The following SELENOS variants were observed in gnomAD, a reference collection of about 807,000 sequenced individuals.
SELENOS encodes the protein VCP interacting membrane selenoprotein.
SELENOS carries 37 observed loss-of-function variants against 30.2 expected under a neutral mutation model. The ratio of observed to expected loss-of-function variants is 1.23; its 90% CI spans 0.94 to 1.61. SELENOS has a LOEUF of 1.61. Among genes scored for constraint, SELENOS ranks in the 40% most tolerant of loss-of-function variants. The pLI is 0.00. For missense variants in SELENOS, 289 were observed against 231.8 expected, an observed-to-expected ratio of 1.25 and a Z score of -1.60; for synonymous variants, 119 against 91.6, an observed-to-expected ratio of 1.30 and a Z score of -1.71.
chr15:101,277,132 G>T, intron 1 of SELENOS: 1 of 856,154 alleles, frequency 1.2e-6, no homozygotes, highest in Non-Finnish European at 1.9e-6. Context: ...CGCAAACAAG[G>T]GACAGCCGAG....
chr15:101,275,128 T>A, intron 3 of SELENOS, 127 bp downstream of exon 3: 1 of 738,118 alleles, frequency 1.4e-6, no homozygotes, highest in Non-Finnish European at 2.2e-6. Context: ...GGAACTGAAA[T>A]GCTTATTGAA....
Position 101,276,556 on chromosome 15 carries a change from C to T in SELENOS, c.196G>A (p.Ala66Thr). 8 of 1,607,934 alleles carry T rather than the reference C, an allele frequency of 5.0e-6. No individual in the cohort carries two copies. Among genetic ancestry groups the T allele is most frequent in the Non-Finnish European group, 6.8e-6 (8 of 1,178,154 alleles). ...AGGCACTAACCCACAGCAGCCGCAG[C>T]TCGGTCCAGCTGCCTCTGCCTCAAG... is the stretch of plus-strand genomic sequence containing the variant. ...RALRQRQLDR[A>T]AAAVEPDVVV... Residue 66 changes from alanine to threonine, a missense_variant, in exon 2 of 6, where the codon GCT (alanine) becomes ACT (threonine). Transcript: ENST00000526049.
In SELENOS at chr15:101,277,467, G is replaced by A. The variant is rs1018518980; in HGVS notation, c.-50C>T. On this transcript the variant is annotated 5_prime_UTR_variant, in exon 1 of 6. Coordinates refer to ENST00000526049, the MANE Select transcript of SELENOS (RefSeq NM_018445.6). ...GCCCTGCCGCCGCGCCTCCAGCCGG[G>A]CGCTTCCGGTGCGCTCCTACGCACA... is the stretch of plus-strand genomic sequence containing the variant. 7.1e-7 allele frequency: 1 copy of A among 1,400,342 alleles called. No individual in the cohort carries two copies. Among genetic ancestry groups the A allele is most frequent in the South Asian group, 1.6e-5 (1 of 64,014 alleles). The allele number at this position is 1,400,342 out of a possible 1,614,324, so 86.7% of individuals were successfully genotyped here. A position where few individuals can be genotyped will look rare whatever the true frequency, so the allele number is the denominator to read the frequency against.
chr15:101,272,659 A>G lies in SELENOS; in HGVS notation c.*112T>C. On this transcript the variant is annotated 3_prime_UTR_variant, in exon 6 of 6. Transcript: ENST00000526049. ...CATATGCAGGTGTAGTTAGGAACAG[A>G]AATCAACCCCACCTCCCCTTGGCTA... 8.7e-7 allele frequency: 1 copy of G among 1,149,760 alleles called. No homozygotes were observed. The highest frequency in any genetic ancestry group is 1.3e-6 in the Non-Finnish European group (1 of 791,648). The allele number at this position is 1,149,760 out of a possible 1,614,324, so 71.2% of individuals were successfully genotyped here.
rs1464660405 is a variant in SELENOS at position 101,276,648 on chromosome 15, C to CAGCCA, written c.99_103dup (p.Trp35LeufsTer23). 1.2e-6 allele frequency: 2 copies of CAGCCA among 1,610,530 alleles called. No homozygotes were observed. The highest frequency in any genetic ancestry group is 2.7e-5 in the African/African-American group (2 of 74,614). On this transcript the variant is annotated frameshift_variant, in exon 2 of 6. Coordinates refer to ENST00000526049, the MANE Select transcript of SELENOS (RefSeq NM_018445.6). LOFTEE classifies it high-confidence loss of function. ...AAGGATGCAGCTGAAGACGATGTAC[C>CAGCCA]AGCCATAGGTGGCCAGCAGGGAGCC...
intron 1 of SELENOS, 140 bp downstream of exon 1, chr15:101,277,202 A>G (rs1432955559): frequency 7.2e-7 from 1 of 1,391,008 alleles, no homozygotes; most frequent in Admixed American, 2.0e-5. Flanking sequence ...CTGCTGCCCA[A>G]GGTCCGCGTA....
chr15:101,276,659 G>C lies in SELENOS; in HGVS notation c.93C>G (p.Ala31=). 1 of 1,605,690 alleles carries C rather than the reference G, an allele frequency of 6.2e-7. No individual in the cohort carries two copies. The highest frequency in any genetic ancestry group is 1.1e-5 in the South Asian group (1 of 89,478). ...TGAAGACGATGTACCAGCCATAGGT[G>C]GCCAGCAGGGAGCCCACTGAAAAGA... The part of the protein sequence containing the change: ...FLHTTVGSLL[A]TYGWYIVFSC... The change falls in exon 2 of 6, where the codon GCC becomes GCG. Residue 31 remains alanine (A), a synonymous_variant. Coordinates refer to ENST00000526049, the MANE Select transcript of SELENOS (RefSeq NM_018445.6).
At chr15:101,274,705 G>C (rs1192510752) in intron 3 of SELENOS, 24 bp from the exon 4 acceptor site, 2 of 1,596,276 alleles carry the variant, frequency 1.3e-6, no homozygotes, top group East Asian at 2.2e-5. Context: ...ACATTTTACA[G>C]AAAGAATTCA....
intron 3 of SELENOS, 40 bp from the exon 4 acceptor site, chr15:101,274,721 T>G: frequency 6.4e-7 from 1 of 1,569,580 alleles, no homozygotes; most frequent in East Asian, 2.2e-5. Flanking sequence ...ATTCAGAAGC[T>G]GCCATTTCTC....
At chr15:101,274,376 T>TG in intron 5 of SELENOS, 44 bp downstream of exon 5, 1 of 1,559,268 alleles carries the variant, frequency 6.4e-7, no homozygotes, top group South Asian at 1.2e-5. Context: ...CTATATCCTG[T>TG]AAGTGTTGAA....
In SELENOS at chr15:101,276,388, A is replaced by G. The variant is rs967549349; in HGVS notation, c.211+153T>C. ...CTCAGCCTCCTGAGCAGCTGGGACTACAGGTGCGTGCCGCCACTCCCGGCT... is the reference window on the plus strand; with the variant it reads ...CTCAGCCTCCTGAGCAGCTGGGACTGCAGGTGCGTGCCGCCACTCCCGGCT... On this transcript the variant is annotated intron_variant, in intron 2 of 5. Coordinates refer to ENST00000526049, the MANE Select transcript of SELENOS (RefSeq NM_018445.6). The G allele has an allele frequency of 5.8e-6, 6 of 1,038,398 alleles. No homozygotes were observed. In the African/African-American group the frequency reaches 6.6e-5, roughly 11 times the overall value. The allele number at this position is 1,038,398 out of a possible 1,614,324, so 64.3% of individuals were successfully genotyped here.
In SELENOS at chr15:101,276,596, G is replaced by GT; in HGVS notation, c.155_156insA (p.Ala53ArgfsTer21). The GT allele has an allele frequency of 6.2e-7, 1 of 1,613,826 alleles. No homozygotes were observed. Among genetic ancestry groups the GT allele is most frequent in the African/African-American group, 1.3e-5 (1 of 75,006 alleles). ...TCTGCCTCAAGGCTCTTAGCCGGGC[G>GT]GAAAGCTTCTGAAAGACCACGTAGA... On this transcript the variant is annotated frameshift_variant, in exon 2 of 6. Transcript: ENST00000526049. LOFTEE classifies it high-confidence loss of function.
intron 1 of SELENOS, 139 bp downstream of exon 1, chr15:101,277,203 G>A (rs892958995): frequency 2.3e-5 from 32 of 1,400,758 alleles, no homozygotes; most frequent in Non-Finnish European, 2.9e-5. Context: ...TGCTGCCCAA[G>A]GTCCGCGTAA....
Position 101,277,396 on chromosome 15 carries a change from G to C in SELENOS, c.22C>G (p.Leu8Val), listed in dbSNP as rs1294415136. Residue 8 changes from leucine (L) to valine (V), a missense_variant, in exon 1 of 6, where the codon CTG (leucine) becomes GTG (valine). Coordinates refer to ENST00000526049, the MANE Select transcript of SELENOS (RefSeq NM_018445.6). ...GTCTCCAGGGCCGGCCGCGCGGACA[G>C]AGACTCCTCTTGGCGTTCCATGACC... MERQEES[L>V]SARPALETEG... is the part of the protein sequence containing the mutation. 3 of 1,502,466 alleles carry C rather than the reference G, an allele frequency of 2.0e-6. No individual in the cohort carries two copies. Among genetic ancestry groups the C allele is most frequent in the South Asian group, 1.2e-5 (1 of 80,614 alleles). 93.1% of individuals were successfully genotyped at this position (1,502,466 alleles called of 1,614,324 possible).
intron 5 of SELENOS, among the ~76,000 whole-genome samples, chr15:101,273,604 TA>T (rs1035563401): frequency 1.2e-4 from 18 of 152,322 alleles, no homozygotes; most frequent in African/African-American, 4.1e-4. Flanking sequence ...TGTCTAAAAA[TA>T]AGCTTCCGGC....
At chr15:101,277,122 C>G (rs757060711) in intron 1 of SELENOS, 7 of 818,840 alleles carry the variant, frequency 8.5e-6, no homozygotes, top group Non-Finnish European at 1.4e-5. Context: ...AAAAGACTTG[C>G]GCAAACAAGG....
At chr15:101,276,240 TA>T (rs1411858858) in intron 2 of SELENOS, among the ~76,000 whole-genome samples, 34 of 134,146 alleles carry the variant, frequency 2.5e-4, no homozygotes, top group South Asian at 2.0e-3. Context: ...ATATACTTCC[TA>T]CTTTTTTTTT....
intron 1 of SELENOS, chr15:101,276,876 C>T (rs1206441650): frequency 1.6e-6 from 1 of 618,084 alleles, no homozygotes. Context: ...TGAGACTTCC[C>T]AACCATCTGG....
In SELENOS at chr15:101,272,575, T is replaced by G. The variant is rs1453136016; in HGVS notation, c.*196A>C. 1.9e-6 allele frequency: 1 copy of G among 537,744 alleles called. No homozygotes were observed. The highest frequency in any genetic ancestry group is 3.3e-6 in the Non-Finnish European group (1 of 301,698). The allele number at this position is 537,744 out of a possible 1,614,324, so 33.3% of individuals were successfully genotyped here. On this transcript the variant is annotated 3_prime_UTR_variant, in exon 6 of 6. Transcript: ENST00000526049. The stretch of plus-strand genomic sequence containing the variant: ...GCAATCACTGTCTCCAAGTAGAATG[T>G]GACCAATGACCTCATGCCTAGAGGC...
Sources: allele counts gnomAD v4.1 joint callset (sites outside exome capture counted in the v4.1 genomes callset), GRCh38; gene constraint gnomAD v4.1.1; transcripts MANE v1.5; gene names NCBI Gene and HGNC (gene_info 2026-07-23, HGNC 2026-07-21).